Variants in ZC3H4 observed in about 807,000 individuals in gnomAD.
ZC3H4 encodes zinc finger CCCH-type containing 4.
In ZC3H4, 13 loss-of-function variants were observed where a neutral mutation model predicts 108.3. The ratio of observed to expected loss-of-function variants is 0.12; its 90% CI spans 0.08 to 0.19. ZC3H4 has a LOEUF of 0.19. Among genes scored for constraint, ZC3H4 ranks in the 10% least tolerant of loss-of-function variants. The pLI is 1.00. For synonymous variants in ZC3H4, 917 were observed against 749.6 expected (o/e 1.22, Z -3.65); for missense variants, 1,734 against 1,838.8 (o/e 0.94, Z 1.04).
At chr19:47,100,436 C>T (rs865956393) in intron 2 of ZC3H4, among the ~76,000 whole-genome samples, 1 of 151,990 alleles carries the variant, frequency 6.6e-6, no homozygotes, top group African/African-American at 2.4e-5. Context: ...TCCATGGTAA[C>T]GTGCCTACGC....
chr19:47,092,042 C>G (rs1323523546), intron 4 of ZC3H4, among the ~76,000 whole-genome samples: 1 of 152,082 alleles, frequency 6.6e-6, no homozygotes, highest in Non-Finnish European at 1.5e-5. Context: ...AACCCCATCT[C>G]TACCAAAAGT....
intron 10 of ZC3H4, 38 bp downstream of exon 10, chr19:47,082,146 C>T (rs771859376): frequency 4.6e-6 from 7 of 1,529,392 alleles, no homozygotes; most frequent in East Asian, 2.2e-5. Context: ...AGAAGTTCTG[C>T]GCCCTCATTC....
At position 47,064,264 on chromosome 19, in the gene ZC3H4, G is replaced by A. The variant is rs1035905772; in HGVS notation, c.*2092C>T. ...AGACCACAGGAGAAAGGCAGGTGACGTTTCTGGAAGACAGATATGGAGTAT... is the reference window on the plus strand; with the variant it reads ...AGACCACAGGAGAAAGGCAGGTGACATTTCTGGAAGACAGATATGGAGTAT... On this transcript the variant is annotated 3_prime_UTR_variant, in exon 15 of 15. Transcript: ENST00000253048. The A allele has an allele frequency of 1.3e-5, 2 of 152,600 alleles. No homozygotes were observed. The highest frequency in any genetic ancestry group is 2.4e-5 in the African/African-American group (1 of 41,434). The allele number at this position is 152,600 out of a possible 1,614,324, so 9.5% of individuals were successfully genotyped here.
intron 11 of ZC3H4, among the ~76,000 whole-genome samples, chr19:47,077,718 G>A (rs981004291): frequency 8.6e-5 from 13 of 151,704 alleles, no homozygotes; most frequent in African/African-American, 2.4e-4. Context: ...TGAGCCGGGC[G>A]TGATGGCACA....
chr19:47,110,449 G>A (rs143803928), intron 2 of ZC3H4, among the ~76,000 whole-genome samples: 54 of 152,212 alleles, frequency 3.5e-4, no homozygotes, highest in East Asian at 3.5e-3. Context: ...AACTGTGTAC[G>A]TCAAATTTTA....
chr19:47,099,485 G>A (rs937540021), intron 2 of ZC3H4, among the ~76,000 whole-genome samples: 3 of 150,364 alleles, frequency 2.0e-5, no homozygotes, highest in Admixed American at 2.0e-4. Context: ...AAAAAAGAAA[G>A]CTGCAGCCAG....
At position 47,067,121 on chromosome 19, in the gene ZC3H4, G is replaced by A; in HGVS notation, c.3147C>T (p.Ile1049=). The A allele has an allele frequency of 6.2e-7, 1 of 1,612,022 alleles. No homozygotes were observed. The highest frequency in any genetic ancestry group is 1.1e-5 in the South Asian group (1 of 90,850). Residue 1049 remains isoleucine (I), a synonymous_variant, in exon 15 of 15, where the codon ATC becomes ATT. Transcript: ENST00000253048. The surrounding 1 kb of genome is among the most constrained non-coding windows in gnomAD (Gnocchi z 6.4). The part of the protein sequence containing the change: ...NLPDFELLSR[I]LKTVNATGSS... The stretch of plus-strand genomic sequence containing the variant: ...AGCCGGTGGCATTGACTGTCTTGAG[G>A]ATGCGAGACAGAAGTTCAAAGTCGG...
intron 11 of ZC3H4, among the ~76,000 whole-genome samples, chr19:47,077,625 G>A (rs865889187): frequency 1.7e-4 from 26 of 152,222 alleles, no homozygotes; most frequent in Middle Eastern, 3.4e-3. Flanking sequence ...AGGCCAAGGC[G>A]GGCGTGGATC....
chr19:47,094,645 T>C lies in ZC3H4; in HGVS notation c.162-37A>G, dbSNP rs762675119. On this transcript the variant is annotated intron_variant, in intron 2 of 14. Transcript: ENST00000253048. Reference sequence around the variant, plus strand: ...CCCCAATCCCACCATGAACACAGGGTTTGAGAGGAGACCTCCTAGGGCTCT... The same window carrying C: ...CCCCAATCCCACCATGAACACAGGGCTTGAGAGGAGACCTCCTAGGGCTCT... 2.5e-6 allele frequency: 4 copies of C among 1,608,262 alleles called. No homozygotes were observed. The South Asian group carries it at 4.4e-5, about 18-fold the overall frequency.
At chr19:47,093,084 C>G (rs1326012870) in intron 4 of ZC3H4, among the ~76,000 whole-genome samples, 1 of 151,362 alleles carries the variant, frequency 6.6e-6, no homozygotes, top group Admixed American at 6.6e-5. Context: ...GGAGTGGTGG[C>G]GGGTGCCTGT....
chr19:47,112,185 G>A (rs1243431710), intron 2 of ZC3H4: 3 of 1,200,620 alleles, frequency 2.5e-6, no homozygotes, highest in South Asian at 4.3e-5. Flanking sequence ...GACAGAGCGA[G>A]AGCGAGGGAG....
chr19:47,087,649 C>T (rs763145518), intron 5 of ZC3H4, among the ~76,000 whole-genome samples: 1 of 152,014 alleles, frequency 6.6e-6, no homozygotes, highest in African/African-American at 2.4e-5. Flanking sequence ...GAGGCCAAGG[C>T]GGGTGGATTG....
Position 47,066,573 on chromosome 19 carries a change from G to A in ZC3H4, c.3695C>T (p.Thr1232Ile), listed in dbSNP as rs2057201019. The part of the protein sequence containing the change: ...RPKAAAAPAA[T>I]TATPPPEGAP... Reference sequence around the variant, plus strand: ...ACCCTCGGGGGGTGGGGTGGCGGTGGTGGCAGCGGGGGCTGCAGCAGCCTT... The same window carrying A: ...ACCCTCGGGGGGTGGGGTGGCGGTGATGGCAGCGGGGGCTGCAGCAGCCTT... The change falls in exon 15 of 15, where the codon ACC becomes ATC. Residue 1232 changes from threonine to isoleucine, a missense_variant. This residue lies in a region of ZC3H4 where 518 missense variants were observed against 499.6 expected (regional missense o/e 1.04). Coordinates refer to ENST00000253048, the MANE Select transcript of ZC3H4 (RefSeq NM_015168.2). 1.9e-6 allele frequency: 3 copies of A among 1,586,320 alleles called. No homozygotes were observed. The highest frequency in any genetic ancestry group is 1.7e-6 in the Non-Finnish European group (2 of 1,165,864).
intron 11 of ZC3H4, among the ~76,000 whole-genome samples, chr19:47,078,064 T>C (rs1422965166): frequency 1.3e-5 from 2 of 152,164 alleles, no homozygotes; most frequent in Non-Finnish European, 2.9e-5. Flanking sequence ...CCCACTTCCA[T>C]GAAGCCAAGG....
intron 4 of ZC3H4, among the ~76,000 whole-genome samples, chr19:47,092,439 T>C (rs910747764): frequency 1.3e-5 from 2 of 152,202 alleles, no homozygotes; most frequent in Non-Finnish European, 2.9e-5. Flanking sequence ...AACTATGGTA[T>C]TGGACAATGA....
In ZC3H4 at chr19:47,066,801, G is replaced by C. The variant is rs372125545; in HGVS notation, c.3467C>G (p.Ala1156Gly). ...AGCCGGCTCTGTGGCTTTGCCCCCC[G>C]CGTTGGGAGTCCTCGGGTCGTAGAG... ...ISLYDPRTPN[A>G]GGKATEPAAD... The change falls in exon 15 of 15, where the codon GCG becomes GGG. Residue 1156 changes from alanine to glycine, a missense_variant. Around this residue, in one of 9 missense-constraint regions of ZC3H4, gnomAD observed 518 missense variants for 499.6 expected, o/e 1.04. Coordinates refer to ENST00000253048, the MANE Select transcript of ZC3H4 (RefSeq NM_015168.2). 6.2e-7 allele frequency: 1 copy of C among 1,600,466 alleles called. No homozygotes were observed. The highest frequency in any genetic ancestry group is 1.1e-5 in the South Asian group (1 of 90,400).
chr19:47,086,249 G>C (rs980328362), intron 6 of ZC3H4, 135 bp downstream of exon 6: 2 of 966,686 alleles, frequency 2.1e-6, no homozygotes, highest in Non-Finnish European at 1.6e-6. Flanking sequence ...ATACATCTGC[G>C]CTCTGAGGCT....
Position 47,066,003 on chromosome 19 carries a change from G to A in ZC3H4, c.*353C>T, listed in dbSNP as rs1489395095. 5.1e-6 allele frequency: 1 copy of A among 197,446 alleles called. No homozygotes were observed. Among genetic ancestry groups the A allele is most frequent in the Non-Finnish European group, 1.0e-5 (1 of 98,374 alleles). 12.2% of individuals were successfully genotyped at this position (197,446 alleles called of 1,614,324 possible). On this transcript the variant is annotated 3_prime_UTR_variant, in exon 15 of 15. Coordinates refer to ENST00000253048, the MANE Select transcript of ZC3H4 (RefSeq NM_015168.2). The stretch of plus-strand genomic sequence containing the variant: ...CTTTGTCCTGGGGAAAAGGGGCCAT[G>A]CTTTGCCCAGAAAACCCACTGGGCC...
Position 47,066,259 on chromosome 19 carries a change from C to A in ZC3H4, c.*97G>T. 3.1e-6 allele frequency: 3 copies of A among 967,958 alleles called. No individual in the cohort carries two copies. The highest frequency in any genetic ancestry group is 3.7e-5 in the Admixed American group (1 of 27,328). 60.0% of individuals were successfully genotyped at this position (967,958 alleles called of 1,614,324 possible). On this transcript the variant is annotated 3_prime_UTR_variant, in exon 15 of 15. Coordinates refer to ENST00000253048, the MANE Select transcript of ZC3H4 (RefSeq NM_015168.2). ...GAAAAAGAAAAGAAAAAAGGAACAC[C>A]CAGCCTGCCTCCCCTTGCCCCCAAG... is the stretch of plus-strand genomic sequence containing the variant.
Sources: allele counts gnomAD v4.1 joint callset (sites outside exome capture counted in the v4.1 genomes callset), GRCh38; gene constraint gnomAD v4.1.1; regional missense constraint gnomAD v4.1.1; non-coding constraint Gnocchi (gnomAD v3.1); transcripts MANE v1.5; gene names NCBI Gene and HGNC (gene_info 2026-07-23, HGNC 2026-07-21).